ARHGAP15: variants seen among roughly 807,000 people sequenced by gnomAD.
ARHGAP15 encodes the protein rho GTPase-activating protein 15.
ARHGAP15 carries 51 observed loss-of-function variants against 63.7 expected under a neutral mutation model. The observed-to-expected ratio is 0.80, with a 90% CI of 0.64 to 1.01. The LOEUF is 1.01. ARHGAP15 is among the 50% of genes least tolerant of loss of function. The probability of loss-of-function intolerance (pLI) is 0.00; values close to 1 mark genes in which losing one functional copy is unlikely to be tolerated. For synonymous variants in ARHGAP15, 191 were observed against 193.8 expected, an observed-to-expected ratio of 0.99 and a Z score of 0.12; for missense variants, 560 against 564.6, an observed-to-expected ratio of 0.99 and a Z score of 0.08.
At chr2:143,400,660 C>G (rs1026473417) in intron 6 of ARHGAP15, among the ~76,000 whole-genome samples, 1 of 151,814 alleles carries the variant, frequency 6.6e-6, no homozygotes, top group African/African-American at 2.4e-5. Context: ...TCAGTAATTA[C>G]CTTTAGGAAA....
chr2:143,436,919 G>T lies in ARHGAP15; in HGVS notation c.580G>T (p.Asp194Tyr). Residue 194 changes from aspartate to tyrosine, a missense_variant, in exon 8 of 14, where the codon GAT becomes TAT. Coordinates refer to ENST00000295095, the MANE Select transcript of ARHGAP15 (RefSeq NM_018460.4). The part of the protein sequence containing the change: ...IKNAIDRLPK[D>Y]SSCPSRNLEL... ...AATTATTTGCTGTTTCCAGCCAAAG[G>T]ATTCAAGTTGTCCATCAAGAAACCT... The T allele has an allele frequency of 6.2e-7, 1 of 1,608,764 alleles. No homozygotes were observed. The highest frequency in any genetic ancestry group is 8.5e-7 in the Non-Finnish European group (1 of 1,178,510).
chr2:143,223,874 TG>T (rs1490175942), intron 4 of ARHGAP15, among the ~76,000 whole-genome samples: 2 of 152,210 alleles, frequency 1.3e-5, no homozygotes, highest in African/African-American at 4.8e-5. Flanking sequence ...GCAACCTTAC[TG>T]GGCTTCAGTT....
chr2:143,518,554 A>G (rs1351678153), intron 9 of ARHGAP15, among the ~76,000 whole-genome samples: 1 of 152,242 alleles, frequency 6.6e-6, no homozygotes, highest in East Asian at 1.9e-4. Context: ...AACCTGTCTA[A>G]CTTTGCAGAA....
intron 4 of ARHGAP15, among the ~76,000 whole-genome samples, chr2:143,217,886 AC>A (rs1232295493): frequency 6.6e-6 from 1 of 152,134 alleles, no homozygotes; most frequent in African/African-American, 2.4e-5. Context: ...GGTCAGTTCC[AC>A]CCTCCAGCCT....
intron 10 of ARHGAP15, 139 bp downstream of exon 10, chr2:143,519,503 A>T (rs1693970193): frequency 7.4e-6 from 4 of 537,546 alleles, no homozygotes; most frequent in Non-Finnish European, 1.3e-5. Flanking sequence ...TAAGAGGATC[A>T]TCTTTCTTAT....
intron 13 of ARHGAP15, among the ~76,000 whole-genome samples, chr2:143,727,665 G>C (rs143530063): frequency 1.9e-4 from 29 of 152,288 alleles, no homozygotes; most frequent in African/African-American, 7.0e-4. Context: ...GAACGGGGCT[G>C]TTCTCCATGA....
intron 13 of ARHGAP15, among the ~76,000 whole-genome samples, chr2:143,725,726 G>A (rs949284413): frequency 6.6e-6 from 1 of 152,206 alleles, no homozygotes; most frequent in African/African-American, 2.4e-5. Context: ...AAGGTTCTGT[G>A]AGGAATAATT....
intron 1 of ARHGAP15, among the ~76,000 whole-genome samples, chr2:143,131,528 G>A (rs1688915284): frequency 6.6e-6 from 1 of 152,140 alleles, no homozygotes. Flanking sequence ...CTCTTCTGGA[G>A]CGGCCTGCTC....
At chr2:143,370,836 A>G (rs912690633) in intron 6 of ARHGAP15, among the ~76,000 whole-genome samples, 14 of 152,244 alleles carry the variant, frequency 9.2e-5, no homozygotes, top group African/African-American at 3.1e-4. Flanking sequence ...TTTCTCTACT[A>G]TGGTATCTTG....
intron 6 of ARHGAP15, among the ~76,000 whole-genome samples, chr2:143,294,899 A>C (rs1235085731): frequency 1.3e-5 from 2 of 152,076 alleles, no homozygotes; most frequent in Admixed American, 1.3e-4. Context: ...TTCTAAGCTA[A>C]TGAGAAGAAA....
intron 13 of ARHGAP15, among the ~76,000 whole-genome samples, chr2:143,734,346 T>A (rs1051051476): frequency 4.6e-5 from 7 of 152,186 alleles, no homozygotes; most frequent in African/African-American, 1.4e-4. Context: ...TGTTGGTCTG[T>A]GGTCTCAATT....
At chr2:143,413,722 C>T (rs945521472) in intron 6 of ARHGAP15, among the ~76,000 whole-genome samples, 3 of 152,126 alleles carry the variant, frequency 2.0e-5, no homozygotes, top group African/African-American at 7.2e-5. Context: ...GATCCTCCCA[C>T]CTTGACCTCC....
intron 6 of ARHGAP15, among the ~76,000 whole-genome samples, chr2:143,429,601 A>G (rs2105074230): frequency 6.6e-6 from 1 of 152,184 alleles, no homozygotes; most frequent in African/African-American, 2.4e-5. Flanking sequence ...AAATCAATCA[A>G]CCCCAAACAC....
chr2:143,671,839 C>T (rs1464036411), intron 12 of ARHGAP15, among the ~76,000 whole-genome samples: 1 of 152,108 alleles, frequency 6.6e-6, no homozygotes, highest in Non-Finnish European at 1.5e-5. Context: ...TTTATGTATT[C>T]CTTTAAATAT....
intron 13 of ARHGAP15, among the ~76,000 whole-genome samples, chr2:143,729,081 A>G (rs1685417663): frequency 6.6e-6 from 1 of 152,186 alleles, no homozygotes; most frequent in African/African-American, 2.4e-5. Flanking sequence ...GCATAGCAAG[A>G]AAAAAAGTGA....
intron 2 of ARHGAP15, among the ~76,000 whole-genome samples, chr2:143,165,798 A>G (rs898586998): frequency 4.6e-5 from 7 of 152,040 alleles, no homozygotes; most frequent in Admixed American, 3.9e-4. Flanking sequence ...GACAATGGGT[A>G]ACCTTTCATG....
rs1468552375 is a variant in ARHGAP15 at position 143,330,117 on chromosome 2, A to T, written c.474+79517A>T. 8.8e-4 allele frequency among the ~76,000 whole-genome samples: 75 copies of T among 85,346 alleles called. 4 individuals are homozygous for T. Among genetic ancestry groups the T allele is most frequent in the African/African-American group, 2.7e-3 (58 of 21,886 alleles). 56.0% of individuals were successfully genotyped at this position (85,346 alleles called of 152,430 possible). ...CTCAAAAAAAAAAAAAAAAAAAAAA[A>T]AAAAAAAAAAAAAACCAAAAACAAA... On this transcript the variant is annotated intron_variant, in intron 6 of 13. Coordinates refer to ENST00000295095, the MANE Select transcript of ARHGAP15 (RefSeq NM_018460.4).
intron 6 of ARHGAP15, among the ~76,000 whole-genome samples, chr2:143,420,357 A>G (rs979580615): frequency 7.2e-5 from 11 of 152,194 alleles, no homozygotes; most frequent in African/African-American, 2.7e-4. Context: ...CTTGAATTGT[A>G]GTCTTGAAGG....
intron 13 of ARHGAP15, among the ~76,000 whole-genome samples, chr2:143,742,669 T>G (rs1312940960): frequency 2.0e-5 from 3 of 152,222 alleles, no homozygotes; most frequent in Non-Finnish European, 4.4e-5. Flanking sequence ...AGAAACATGA[T>G]TAAAGTGATG....
Sources: gnomAD v4.1 joint callset for allele counts (sites outside exome capture counted in the v4.1 genomes callset) on GRCh38, gnomAD v4.1.1 for gene constraint, MANE v1.5 for transcripts, NCBI Gene and HGNC (gene_info 2026-07-23, HGNC 2026-07-21) for gene names.